Variants in SHISA6 observed in about 807,000 individuals in gnomAD.
The protein encoded by SHISA6 is shisa family member 6.
Under a neutral mutation model 47.9 loss-of-function variants are expected in SHISA6, and 22 were observed. That is an observed-to-expected ratio of 0.46 (90% CI 0.33 to 0.66). The LOEUF is 0.66. Ranked by LOEUF, SHISA6 falls within the 30% of genes least tolerant of loss-of-function variation. The pLI is 0.02. For missense variants in SHISA6, 680 were observed against 764.6 expected, an observed-to-expected ratio of 0.89 and a Z score of 1.30; for synonymous variants, 388 against 337.8, an observed-to-expected ratio of 1.15 and a Z score of -1.63.
chr17:11,260,057 T>G (rs1327408426), intron 1 of SHISA6, among the ~76,000 whole-genome samples: 1 of 152,170 alleles, frequency 6.6e-6, no homozygotes. Flanking sequence ...TTAAGTGCTA[T>G]CCAAATGTAA....
chr17:11,278,517 C>T (rs539766452), intron 2 of SHISA6, among the ~76,000 whole-genome samples: 21 of 152,324 alleles, frequency 1.4e-4, no homozygotes, highest in Non-Finnish European at 2.2e-4. Context: ...GCAACAAAGC[C>T]AGTTTTTCCT....
At chr17:11,520,677 CACACA>C (rs2071622260) in intron 3 of SHISA6, among the ~76,000 whole-genome samples, 1 of 152,102 alleles carries the variant, frequency 6.6e-6, no homozygotes, top group Non-Finnish European at 1.5e-5. Flanking sequence ...ACATCCCATG[CACACA>C]TTTCCCTCTC....
chr17:11,502,191 C>T (rs1228060193), intron 3 of SHISA6, among the ~76,000 whole-genome samples: 2 of 151,360 alleles, frequency 1.3e-5, no homozygotes, highest in African/African-American at 2.4e-5. Flanking sequence ...GGGCGGATCA[C>T]GAGGTCAGGA....
rs192148969 is a variant in SHISA6 at position 11,270,294 on chromosome 17, T to C, written c.799+6768T>C. The stretch of plus-strand genomic sequence containing the variant: ...CGGTGAGGAGTGTATTTAAGTGTGA[T>C]GATCTGATTTCTGTTTTCTGATTGC... On this transcript the variant is annotated intron_variant, in intron 2 of 5. Transcript: ENST00000441885. 3.3e-5 allele frequency among the ~76,000 whole-genome samples: 5 copies of C among 152,346 alleles called. No individual in the cohort carries two copies. The East Asian group carries it at 9.7e-4, about 29-fold the overall frequency.
intron 2 of SHISA6, among the ~76,000 whole-genome samples, chr17:11,325,606 A>G (rs1221909855): frequency 6.6e-6 from 1 of 152,172 alleles, no homozygotes; most frequent in Non-Finnish European, 1.5e-5. Flanking sequence ...AGACAGCATC[A>G]GGAAGTGAAA....
intron 2 of SHISA6, among the ~76,000 whole-genome samples, chr17:11,293,450 A>G (rs9897473): frequency 0.44 from 67,473 of 152,004 alleles, 15,198 homozygotes; most frequent in African/African-American, 0.5. Flanking sequence ...GGAAAGAATG[A>G]GAGAACAGGC....
At position 11,558,601 on chromosome 17, in the gene SHISA6, C is replaced by T; in HGVS notation, c.*297C>T. On this transcript the variant is annotated 3_prime_UTR_variant, in exon 6 of 6. Coordinates refer to ENST00000441885, the MANE Select transcript of SHISA6 (RefSeq NM_207386.4). ...ACCCCCGACCACCTTCACCAACTCC[C>T]TTTCCGTCCCGCGCCTCCTTCTCCC... 3 of 439,714 alleles carry T rather than the reference C, an allele frequency of 6.8e-6. No homozygotes were observed. Among genetic ancestry groups the T allele is most frequent in the Non-Finnish European group, 4.1e-6 (1 of 242,718 alleles). 27.2% of individuals were successfully genotyped at this position (439,714 alleles called of 1,614,324 possible). A position where few individuals can be genotyped will look rare whatever the true frequency, so the allele number is the denominator to read the frequency against.
intron 3 of SHISA6, among the ~76,000 whole-genome samples, chr17:11,424,190 T>A (rs959767589): frequency 5.9e-5 from 9 of 152,074 alleles, no homozygotes; most frequent in Non-Finnish European, 1.2e-4. Flanking sequence ...GGAAGTGAAA[T>A]AATCAAAATC....
chr17:11,456,594 T>C lies in SHISA6; in HGVS notation c.895+77085T>C, dbSNP rs116407649. Among the ~76,000 whole-genome samples, 656 of 152,258 alleles carry C rather than the reference T, an allele frequency of 4.3e-3. 6 individuals are homozygous for C. The highest frequency in any genetic ancestry group is 0.015 in the African/African-American group (621 of 41,552). On this transcript the variant is annotated intron_variant, in intron 3 of 5. Transcript: ENST00000441885. ...ATTTTGTTTTGTAGCTGCAGAGCCA[T>C]GTCCTCCAGTGAAATAGTTCTTTGA...
chr17:11,524,318 T>C (rs2071657111), intron 3 of SHISA6, among the ~76,000 whole-genome samples: 1 of 152,060 alleles, frequency 6.6e-6, no homozygotes, highest in Non-Finnish European at 1.5e-5. Flanking sequence ...CTTTTATTTT[T>C]CTTCTATAGG....
At chr17:11,334,936 C>A (rs35555653) in intron 2 of SHISA6, among the ~76,000 whole-genome samples, 20,055 of 152,210 alleles carry the variant, frequency 0.13, 1,545 homozygotes, top group South Asian at 0.22. Context: ...GCACTTCTGG[C>A]TTGCACCTGC....
intron 2 of SHISA6, among the ~76,000 whole-genome samples, chr17:11,305,146 T>C (rs1309111973): frequency 1.3e-5 from 2 of 152,178 alleles, no homozygotes; most frequent in Non-Finnish European, 2.9e-5. Flanking sequence ...GGAACAACTT[T>C]TGTGCCTCCT....
intron 2 of SHISA6, among the ~76,000 whole-genome samples, chr17:11,277,177 T>C (rs1908932402): frequency 6.6e-6 from 1 of 151,620 alleles, no homozygotes; most frequent in Non-Finnish European, 1.5e-5. Flanking sequence ...CAGTGGACGT[T>C]GCCAGAGTAA....
At chr17:11,333,995 T>C (rs919808863) in intron 2 of SHISA6, among the ~76,000 whole-genome samples, 1 of 152,224 alleles carries the variant, frequency 6.6e-6, no homozygotes, top group Non-Finnish European at 1.5e-5. Context: ...CATTGCCCTG[T>C]GCATCTATTC....
At chr17:11,341,065 C>T (rs572098323) in intron 2 of SHISA6, among the ~76,000 whole-genome samples, 8 of 152,160 alleles carry the variant, frequency 5.3e-5, no homozygotes, top group Non-Finnish European at 1.0e-4. Flanking sequence ...ACCAATCCTG[C>T]CCCACCTTCT....
chr17:11,412,005 G>A (rs921613640), intron 3 of SHISA6, among the ~76,000 whole-genome samples: 6 of 152,078 alleles, frequency 3.9e-5, no homozygotes, highest in Non-Finnish European at 8.8e-5. Flanking sequence ...AAGGATATTT[G>A]GGGAAGATAA....
chr17:11,397,443 A>C (rs1021249488), intron 3 of SHISA6, among the ~76,000 whole-genome samples: 1 of 85,740 alleles, frequency 1.2e-5, no homozygotes, highest in Admixed American at 1.0e-4. Flanking sequence ...ACTACCTTTT[A>C]ATTTTGTTTT....
At chr17:11,427,413 G>A (rs893953433) in intron 3 of SHISA6, among the ~76,000 whole-genome samples, 2 of 152,098 alleles carry the variant, frequency 1.3e-5, no homozygotes, top group Admixed American at 6.6e-5. Context: ...GATTACAGGC[G>A]TGAGCCACCG....
intron 3 of SHISA6, among the ~76,000 whole-genome samples, chr17:11,511,816 A>C (rs2071543761): frequency 6.6e-6 from 1 of 152,226 alleles, no homozygotes. Context: ...CCTGCATTAG[A>C]GAAGACAGTA....
Sources: gnomAD v4.1 joint callset for allele counts (sites outside exome capture counted in the v4.1 genomes callset) on GRCh38, gnomAD v4.1.1 for gene constraint, MANE v1.5 for transcripts, NCBI Gene and HGNC (gene_info 2026-07-23, HGNC 2026-07-21) for gene names.